Variants in BRCA1 observed in about 807,000 individuals in gnomAD.
BRCA1 encodes the protein breast cancer type 1 susceptibility protein.
Under a neutral mutation model 173.7 loss-of-function variants are expected in BRCA1, and 140 were observed. The observed-to-expected ratio is 0.81, with a 90% CI of 0.70 to 0.93. The LOEUF (loss-of-function observed/expected upper bound fraction) is 0.93. Ranked by LOEUF, BRCA1 falls within the 40% of genes least tolerant of loss-of-function variation. The probability of loss-of-function intolerance (pLI) is 0.00; values close to 1 mark genes in which losing one functional copy is unlikely to be tolerated. For synonymous variants in BRCA1, 662 were observed against 756.0 expected, an observed-to-expected ratio of 0.88 and a Z score of 2.04; for missense variants, 1,983 against 2,172.5, an observed-to-expected ratio of 0.91 and a Z score of 1.73.
At chr17:43,064,223 G>A (rs528886206) in intron 16 of BRCA1, among the ~76,000 whole-genome samples, 1 of 152,288 alleles carries the variant, frequency 6.6e-6, no homozygotes, top group South Asian at 2.1e-4. Flanking sequence ...TCTTCTAGAC[G>A]CCAAGGCTAG....
upstream of BRCA1, among the ~76,000 whole-genome samples, chr17:43,129,826 A>G (rs558378463): frequency 1.3e-5 from 2 of 152,308 alleles, no homozygotes; most frequent in Admixed American, 6.5e-5. Flanking sequence ...CGCTTTTGGC[A>G]GACTGAGTCA....
Position 43,131,801 on chromosome 17 carries a change from T to G in BRCA1, c.-19-7686A>C, listed in dbSNP as rs554738644. The stretch of plus-strand genomic sequence containing the variant: ...CTTTGCTTTGCTTTTCTTTTTGTTT[T>G]GGGACAGAGTCTCACTCTGTCATCC... On this transcript the variant is annotated intron_variant, in intron 1 of 7. Transcript: ENST00000634433. 1.2e-4 allele frequency among the ~76,000 whole-genome samples: 18 copies of G among 152,286 alleles called. 1 individual carries two copies. In the South Asian group the frequency reaches 2.1e-3, roughly 18 times the overall value.
At chr17:43,130,308 C>T (rs529400017), upstream of BRCA1, among the ~76,000 whole-genome samples, 4 of 152,124 alleles carry the variant, frequency 2.6e-5, no homozygotes, top group South Asian at 2.1e-4. Flanking sequence ...GCCACCACAC[C>T]GGGCCAATTT....
intron 1 of BRCA1, among the ~76,000 whole-genome samples, chr17:43,152,030 T>G (rs1347916550): frequency 6.6e-6 from 1 of 152,244 alleles, no homozygotes; most frequent in Admixed American, 6.5e-5. Flanking sequence ...ATAGGTAATA[T>G]TCTCCCCAGG....
chr17:43,052,129 T>C (rs1376125514), intron 19 of BRCA1, among the ~76,000 whole-genome samples: 1 of 152,156 alleles, frequency 6.6e-6, no homozygotes, highest in Non-Finnish European at 1.5e-5. Flanking sequence ...CTCTTCCACT[T>C]ACAGGGCTTG....
chr17:43,089,147 T>A (rs189411010), intron 11 of BRCA1, among the ~76,000 whole-genome samples: 20 of 152,140 alleles, frequency 1.3e-4, no homozygotes, highest in Admixed American at 9.8e-4. Flanking sequence ...ACCCTCTCTC[T>A]ACTAAAAAAA....
intron 2 of BRCA1, among the ~76,000 whole-genome samples, chr17:43,123,391 C>G (rs1254322565): frequency 1.7e-5 from 2 of 118,042 alleles, no homozygotes; most frequent in African/African-American, 6.9e-5. Context: ...GAGTTTAGCT[C>G]TGTCGCTGGA....
In BRCA1 at chr17:43,044,423, A is replaced by G. The variant is rs1346488603; in HGVS notation, c.*1255T>C. 1 of 507,612 alleles carries G rather than the reference A, an allele frequency of 2.0e-6. No individual in the cohort carries two copies. Among genetic ancestry groups the G allele is most frequent in the Non-Finnish European group, 3.9e-6 (1 of 259,052 alleles). The allele number at this position is 507,612 out of a possible 1,614,324, so 31.4% of individuals were successfully genotyped here. On this transcript the variant is annotated 3_prime_UTR_variant, in exon 23 of 23. Coordinates refer to ENST00000357654, the MANE Select transcript of BRCA1 (RefSeq NM_007294.4). The stretch of plus-strand genomic sequence containing the variant: ...CTAGGGAAGACCTAGTCCTTCCAAC[A>G]GCTATAAACAGTCCTGGATAATGGG...
intron 2 of BRCA1, among the ~76,000 whole-genome samples, chr17:43,120,374 T>C (rs1053319522): frequency 3.3e-5 from 5 of 152,196 alleles, no homozygotes; most frequent in African/African-American, 7.2e-5. Flanking sequence ...TATTAAGACA[T>C]AACTGCAAAT....
intron 11 of BRCA1, among the ~76,000 whole-genome samples, chr17:43,085,135 C>T (rs1191363004): frequency 6.6e-6 from 1 of 152,138 alleles, no homozygotes; most frequent in Non-Finnish European, 1.5e-5. Flanking sequence ...TACTATGCTG[C>T]TCTGATCTCT....
Position 43,093,999 on chromosome 17 carries a change from C to A in BRCA1, c.1532G>T (p.Gly511Val), listed in dbSNP as rs397507188. The A allele has an allele frequency of 6.2e-7, 1 of 1,613,772 alleles. No individual in the cohort carries two copies. ...KLKRKRRPTS[G>V]LHPEDFIKKA... is the part of the protein sequence containing the mutation. Reference sequence around the variant, plus strand: ...CTTGATAAAATCCTCAGGATGAAGGCCTGATGTAGGTCTCCTTTTACGCTT... The same window carrying A: ...CTTGATAAAATCCTCAGGATGAAGGACTGATGTAGGTCTCCTTTTACGCTT... Residue 511 changes from glycine (G) to valine (V), a missense_variant, in exon 10 of 23, where the codon GGC becomes GTC. Coordinates refer to ENST00000357654, the MANE Select transcript of BRCA1 (RefSeq NM_007294.4).
intron 15 of BRCA1, among the ~76,000 whole-genome samples, chr17:43,068,365 A>AAATAATAT (rs1293079297): frequency 6.6e-6 from 1 of 151,938 alleles, no homozygotes; most frequent in Non-Finnish European, 1.5e-5. Flanking sequence ...ACAACTAAGG[A>AAATAATAT]TTCAAAATAA....
At chr17:43,149,827 C>T (rs575342004) in intron 1 of BRCA1, among the ~76,000 whole-genome samples, 10 of 152,102 alleles carry the variant, frequency 6.6e-5, no homozygotes, top group Non-Finnish European at 1.2e-4. Flanking sequence ...CTTGCTCTGT[C>T]GCACAGCCTG....
At chr17:43,086,105 T>TACACACACACACACACAC (rs1385920078) in intron 11 of BRCA1, among the ~76,000 whole-genome samples, 1 of 94,110 alleles carries the variant, frequency 1.1e-5, no homozygotes, top group African/African-American at 6.0e-5. Context: ...TTTTATCACA[T>TACACACACACACACACAC]ACATACACAC....
At position 43,051,093 on chromosome 17, in the gene BRCA1, A is replaced by C. The variant is rs431825416; in HGVS notation, c.5302T>G (p.Cys1768Gly). 1 of 1,614,144 alleles carries C rather than the reference A, an allele frequency of 6.2e-7. No individual in the cohort carries two copies. Among genetic ancestry groups the C allele is most frequent in the Non-Finnish European group, 8.5e-7 (1 of 1,179,990 alleles). Residue 1768 changes from cysteine (C) to glycine (G), a missense_variant, in exon 20 of 23, where the codon TGC (cysteine) becomes GGC (glycine). Physicochemically the swap from Cys to Gly is radical, Grantham distance 159 (BLOSUM62 -3). Transcript: ENST00000357654. ...GGCATGTTGGTGAAGGGCCCATAGCAACAGATTTCTAGCCCCCTGAAGATC... is the reference window on the plus strand; with the variant it reads ...GGCATGTTGGTGAAGGGCCCATAGCCACAGATTTCTAGCCCCCTGAAGATC... ...RKIFRGLEIC[C>G]YGPFTNMPTD...
intron 16 of BRCA1, 41 bp downstream of exon 16, chr17:43,067,567 T>C (rs2052151107): frequency 5.9e-6 from 9 of 1,524,840 alleles, no homozygotes; most frequent in Non-Finnish European, 7.3e-6. Flanking sequence ...TGTGGTTTTA[T>C]GCAGCAGATG....
At chr17:43,063,208 C>T in intron 18 of BRCA1, 125 bp downstream of exon 18, 1 of 824,088 alleles carries the variant, frequency 1.2e-6, no homozygotes, top group Non-Finnish European at 2.1e-6. Flanking sequence ...CTTGATGATC[C>T]TCATTATCAT....
chr17:43,058,444 T>C (rs999343731), intron 18 of BRCA1, among the ~76,000 whole-genome samples: 1 of 152,026 alleles, frequency 6.6e-6, no homozygotes, highest in Non-Finnish European at 1.5e-5. Flanking sequence ...TGGGCAGAGA[T>C]TTGACCAAAA....
chr17:43,167,287 G>C (rs748561263), intron 1 of BRCA1: 4 of 152,206 alleles, frequency 2.6e-5, no homozygotes, highest in African/African-American at 7.2e-5. Context: ...AGTTAAAGAA[G>C]GAAGGGGTTT....
Sources: allele counts gnomAD v4.1 joint callset (sites outside exome capture counted in the v4.1 genomes callset), GRCh38; gene constraint gnomAD v4.1.1; transcripts MANE v1.5; gene names NCBI Gene and HGNC (gene_info 2026-07-23, HGNC 2026-07-21).